The following MOXD1 variants were observed in gnomAD, a reference collection of about 807,000 sequenced individuals.
MOXD1 encodes DBH-like monooxygenase protein 1.
MOXD1 carries 62 observed loss-of-function variants against 66.6 expected under a neutral mutation model. That is an observed-to-expected ratio of 0.93 (90% CI 0.76 to 1.15). The LOEUF is 1.15. MOXD1 is among the 50% of genes most tolerant of loss of function. The probability of loss-of-function intolerance (pLI) is 0.00; values close to 1 mark genes in which losing one functional copy is unlikely to be tolerated. For synonymous variants in MOXD1, 303 were observed against 281.9 expected (o/e 1.07, Z -0.75); for missense variants, 847 against 754.6 (o/e 1.12, Z -1.44).
At chr6:132,394,470 G>A in intron 1 of MOXD1, among the ~76,000 whole-genome samples, 1 of 151,870 alleles carries the variant, frequency 6.6e-6, no homozygotes, top group East Asian at 1.9e-4. Context: ...TCATCAAAAA[G>A]AAATTTAAGA....
At chr6:132,318,227 G>A (rs890559688) in intron 9 of MOXD1, among the ~76,000 whole-genome samples, 2 of 151,866 alleles carry the variant, frequency 1.3e-5, no homozygotes, top group Admixed American at 1.3e-4. Flanking sequence ...ATCTACATAG[G>A]AATGGAATTG....
At chr6:132,332,185 GAATTA>G (rs2114591263) in intron 4 of MOXD1, among the ~76,000 whole-genome samples, 1 of 152,302 alleles carries the variant, frequency 6.6e-6, no homozygotes, top group Admixed American at 6.5e-5. Flanking sequence ...GCTTCAAGAA[GAATTA>G]AACTGTAATC....
intron 7 of MOXD1, 31 bp from the exon 8 acceptor site, chr6:132,322,901 G>T (rs1310719381): frequency 5.1e-6 from 8 of 1,565,218 alleles, no homozygotes; most frequent in Non-Finnish European, 6.1e-6. Context: ...GACCCGATTA[G>T]CCCACATTAA....
At chr6:132,349,595 A>G (rs1775762378) in intron 4 of MOXD1, among the ~76,000 whole-genome samples, 2 of 150,816 alleles carry the variant, frequency 1.3e-5, no homozygotes, top group Admixed American at 1.3e-4. Flanking sequence ...GTGGGCAAGT[A>G]TCTTTTTCAT....
At chr6:132,362,144 C>T (rs1776029087) in intron 4 of MOXD1, among the ~76,000 whole-genome samples, 1 of 151,684 alleles carries the variant, frequency 6.6e-6, no homozygotes, top group South Asian at 2.1e-4. Flanking sequence ...AAATAGAAAA[C>T]AAAAAAATAA....
At chr6:132,335,118 C>T (rs947599383) in intron 4 of MOXD1, among the ~76,000 whole-genome samples, 1 of 152,066 alleles carries the variant, frequency 6.6e-6, no homozygotes, top group Non-Finnish European at 1.5e-5. Flanking sequence ...ACTGTGCCTA[C>T]CTGCTGATCT....
chr6:132,376,596 C>T lies in MOXD1; in HGVS notation c.265-1819G>A, dbSNP rs1377015671. Among the ~76,000 whole-genome samples, 5 of 95,908 alleles carry T rather than the reference C, an allele frequency of 5.2e-5. 1 individual carries two copies. The East Asian group carries it at 2.5e-3, about 48-fold the overall frequency. 62.9% of individuals were successfully genotyped at this position (95,908 alleles called of 152,430 possible). On this transcript the variant is annotated intron_variant, in intron 1 of 11. Coordinates refer to ENST00000367963, the MANE Select transcript of MOXD1 (RefSeq NM_015529.4). Reference sequence around the variant, plus strand: ...TGGCGGGATCTCGGCTCACTGCAAGCTCCGCCTCCCGGGTTCACGCCATTC... The same window carrying T: ...TGGCGGGATCTCGGCTCACTGCAAGTTCCGCCTCCCGGGTTCACGCCATTC...
At chr6:132,308,271 A>G (rs560456629) in intron 10 of MOXD1, among the ~76,000 whole-genome samples, 79 of 152,334 alleles carry the variant, frequency 5.2e-4, no homozygotes, top group African/African-American at 1.9e-3. Flanking sequence ...AAAATCTAGA[A>G]GAAATGGGTA....
At chr6:132,311,631 C>T (rs1774832504) in intron 10 of MOXD1, among the ~76,000 whole-genome samples, 1 of 151,884 alleles carries the variant, frequency 6.6e-6, no homozygotes, top group Admixed American at 6.6e-5. Context: ...ATTTGAACTT[C>T]AACAAATGTT....
rs2235433 is a variant in MOXD1 at position 132,322,132 on chromosome 6, A to G, written c.1305+547T>C. Among the ~76,000 whole-genome samples the G allele has an allele frequency of 2.6e-4, 39 of 152,350 alleles. 1 individual carries two copies. In the East Asian group the frequency reaches 7.3e-3, roughly 29 times the overall value. ...TAAAAATTTGAGAAAACAAAGCATT[A>G]TAACCTTTTTAAAGCCTTCATTCTC... is the stretch of plus-strand genomic sequence containing the variant. On this transcript the variant is annotated intron_variant, in intron 8 of 11. Coordinates refer to ENST00000367963, the MANE Select transcript of MOXD1 (RefSeq NM_015529.4).
intron 4 of MOXD1, among the ~76,000 whole-genome samples, chr6:132,356,664 TAGG>T (rs1310169325): frequency 2.0e-5 from 3 of 152,158 alleles, no homozygotes; most frequent in African/African-American, 7.2e-5. Context: ...TTATACATAA[TAGG>T]AGATTAAATT....
chr6:132,377,808 CT>C (rs1776424797), intron 1 of MOXD1, among the ~76,000 whole-genome samples: 1 of 152,096 alleles, frequency 6.6e-6, no homozygotes, highest in Non-Finnish European at 1.5e-5. Context: ...ATGAACTAAC[CT>C]AACCACCATG....
At chr6:132,298,641 A>C (rs536355331) in intron 10 of MOXD1, among the ~76,000 whole-genome samples, 5 of 152,144 alleles carry the variant, frequency 3.3e-5, no homozygotes, top group Admixed American at 6.6e-5. Context: ...GAAGACATAC[A>C]TAAGGCCAAA....
chr6:132,391,893 A>T (rs2114694204), intron 1 of MOXD1: 1 of 234,498 alleles, frequency 4.3e-6, no homozygotes, highest in East Asian at 9.4e-5. Context: ...CACACAGCTG[A>T]AGAGCATCAT....
Position 132,374,735 on chromosome 6 carries a change from G to T in MOXD1, c.307C>A (p.Gln103Lys). 1 of 1,613,816 alleles carries T rather than the reference G, an allele frequency of 6.2e-7. No individual in the cohort carries two copies. The highest frequency in any genetic ancestry group is 1.1e-5 in the South Asian group (1 of 91,072). ...GCATATTCTAGATGGTAATCTTGCT[G>T]AGCATCTTTTTTCAACTCTCTATTT... The part of the protein sequence containing the change: ...NANRELKKDA[Q>K]QDYHLEYAME... The change falls in exon 2 of 12, where the codon CAG becomes AAG. Residue 103 changes from glutamine to lysine, a missense_variant. Transcript: ENST00000367963.
chr6:132,323,754 C>T (rs1664277461), intron 7 of MOXD1, among the ~76,000 whole-genome samples, 177 bp downstream of exon 7: 1 of 152,128 alleles, frequency 6.6e-6, no homozygotes, highest in South Asian at 2.1e-4. Flanking sequence ...AGTTCTACTC[C>T]TGTAGCTTCA....
intron 1 of MOXD1, among the ~76,000 whole-genome samples, chr6:132,387,028 C>T (rs528247772): frequency 3.3e-5 from 5 of 151,138 alleles, no homozygotes; most frequent in Non-Finnish European, 5.9e-5. Flanking sequence ...TTTTTTTTTC[C>T]TCAGGTACTC....
intron 4 of MOXD1, among the ~76,000 whole-genome samples, chr6:132,360,030 C>T (rs1448101602): frequency 4.6e-5 from 7 of 152,306 alleles, no homozygotes; most frequent in Admixed American, 3.9e-4. Context: ...AAAGTTTAGC[C>T]AGCAGCTGTT....
intron 10 of MOXD1, among the ~76,000 whole-genome samples, chr6:132,303,867 AT>A (rs1562276503): frequency 0.067 from 4,071 of 60,892 alleles, 132 homozygotes; most frequent in African/African-American, 0.18. Context: ...ATATATATAT[AT>A]ATATATATAT....
Sources: gnomAD v4.1 joint callset for allele counts (sites outside exome capture counted in the v4.1 genomes callset) on GRCh38, gnomAD v4.1.1 for gene constraint, MANE v1.5 for transcripts, NCBI Gene and HGNC (gene_info 2026-07-23, HGNC 2026-07-21) for gene names.